The following CDKN2A variants were observed in gnomAD, a reference collection of about 807,000 sequenced individuals.
CDKN2A encodes the protein cyclin-dependent kinase inhibitor 2A.
Under a neutral mutation model 11.1 loss-of-function variants are expected in CDKN2A, and 3 were observed. That is an observed-to-expected ratio of 0.27 (90% CI 0.12 to 0.70). The LOEUF (loss-of-function observed/expected upper bound fraction) is 0.70, where lower values mean the gene tolerates loss of function less well. Among genes scored for constraint, CDKN2A ranks in the 30% least tolerant of loss-of-function variants. The probability of loss-of-function intolerance (pLI) is 0.77; values close to 1 mark genes in which losing one functional copy is unlikely to be tolerated. For missense variants in CDKN2A, 265 were observed against 233.6 expected (o/e 1.13, Z -0.88); for synonymous variants, 122 against 108.1 (o/e 1.13, Z -0.80).
At position 21,991,427 on chromosome 9, in the gene CDKN2A, C is replaced by G. The variant is rs1820426891; in HGVS notation, c.-4+2455G>C. Among the ~76,000 whole-genome samples, 1 of 151,988 alleles carries G rather than the reference C, an allele frequency of 6.6e-6. No homozygotes were observed. The highest frequency in any genetic ancestry group is 1.5e-5 in the Non-Finnish European group (1 of 68,014). ...TTGAACACCCCTGGCCTACAGTGTT[C>G]TACTATGAAGTTTCAGTTTTAGTTC... On this transcript the variant is annotated intron_variant, in intron 2 of 3. Transcript: ENST00000494262. The surrounding 1 kb of genome is among the most constrained non-coding windows in gnomAD (Gnocchi z 5.2).
chr9:21,969,367 A>ACT (rs1819578246), intron 2 of CDKN2A, among the ~76,000 whole-genome samples: 1 of 152,276 alleles, frequency 6.6e-6, no homozygotes, highest in African/African-American at 2.4e-5. Context: ...CAGGTTGGGC[A>ACT]ACAGATCGAC....
chr9:21,977,180 G>T (rs895169881), upstream of CDKN2A, among the ~76,000 whole-genome samples: 1 of 152,092 alleles, frequency 6.6e-6, no homozygotes, highest in Admixed American at 6.5e-5. Context: ...TTTCCTCGGG[G>T]TACCTCTCAA....
intron 1 of CDKN2A, among the ~76,000 whole-genome samples, chr9:21,972,385 C>A (rs910508984): frequency 1.3e-5 from 2 of 151,984 alleles, no homozygotes; most frequent in East Asian, 1.9e-4. Flanking sequence ...CCAACATAAC[C>A]CCAAGTGTTT....
rs913270578 is a variant in CDKN2A, at chr9:21,968,839, G to C, written c.458-597C>G. On this transcript the variant is annotated intron_variant, in intron 2 of 2. Coordinates refer to ENST00000304494, the MANE Select transcript of CDKN2A (RefSeq NM_000077.5). This position sits in a 1 kb window ranked among gnomAD's most constrained non-coding sequence, Gnocchi z 4.7. ...CTGCCTTCCTCTCTAATCTCGTTGC[G>C]TATGGGCTCCAGCTCGCCGTTCGGT... The C allele has an allele frequency of 6.8e-6, 10 of 1,472,612 alleles. No homozygotes were observed. The highest frequency in any genetic ancestry group is 1.7e-4 in the Middle Eastern group (1 of 5,894). The allele number at this position is 1,472,612 out of a possible 1,614,324, so 91.2% of individuals were successfully genotyped here.
upstream of CDKN2A, among the ~76,000 whole-genome samples, chr9:21,979,756 A>G (rs1348578585): frequency 6.6e-6 from 1 of 152,222 alleles, no homozygotes; most frequent in African/African-American, 2.4e-5. Flanking sequence ...ACTCAGACAG[A>G]GAAGCCTTTT....
chr9:21,994,009 G>T, exon 2 of CDKN2A: 3 of 1,015,928 alleles, frequency 3.0e-6, no homozygotes, highest in Non-Finnish European at 4.5e-6. Context: ...AACCCGAATG[G>T]GGAAGCCTCC....
At chr9:21,972,249 C>T (rs1378203285) in intron 1 of CDKN2A, among the ~76,000 whole-genome samples, 1 of 152,114 alleles carries the variant, frequency 6.6e-6, no homozygotes, top group Non-Finnish European at 1.5e-5. Context: ...TGCCCCCCCA[C>T]CCCCAATGTC....
chr9:21,983,471 C>T (rs1425135832), intron 2 of CDKN2A, among the ~76,000 whole-genome samples: 3 of 151,984 alleles, frequency 2.0e-5, no homozygotes, highest in African/African-American at 4.8e-5. Context: ...GTAACACATC[C>T]CACTGGAAAA....
rs1399731121 is a variant in CDKN2A at position 21,969,931 on chromosome 9, T to C, written c.457+971A>G. The C allele has an allele frequency of 2.5e-5, 10 of 396,580 alleles. No homozygotes were observed. The Admixed American group carries it at 3.5e-4, about 14-fold the overall frequency. The allele number at this position is 396,580 out of a possible 1,614,324, so 24.6% of individuals were successfully genotyped here. A position where few individuals can be genotyped will look rare whatever the true frequency, so the allele number is the denominator to read the frequency against. ...GGCTTAGAGCTAACTCTTCACCCTG[T>C]CCTCCCCAGCTCCCCTATGGCCCAA... On this transcript the variant is annotated intron_variant, in intron 2 of 2. Coordinates refer to ENST00000304494, the MANE Select transcript of CDKN2A (RefSeq NM_000077.5).
At chr9:21,976,721 GA>G (rs1820043391), upstream of CDKN2A, among the ~76,000 whole-genome samples, 1 of 151,614 alleles carries the variant, frequency 6.6e-6, no homozygotes, top group Admixed American at 6.6e-5. Flanking sequence ...TTGGTCTCAA[GA>G]AAAAAAGAAA....
At chr9:21,975,141 C>G, upstream of CDKN2A, 1 of 1,215,050 alleles carries the variant, frequency 8.2e-7, no homozygotes, top group South Asian at 2.9e-5. Context: ...TCGCCAGAGC[C>G]AGCGTTGGCA....
intron 2 of CDKN2A, among the ~76,000 whole-genome samples, chr9:21,987,729 C>T (rs1449707546): frequency 1.3e-5 from 2 of 152,256 alleles, no homozygotes; most frequent in Admixed American, 6.5e-5. Context: ...CTCAGACTCT[C>T]CTCCCTGGGA....
chr9:21,989,950 G>A (rs1442411750), intron 2 of CDKN2A: 2 of 152,346 alleles, frequency 1.3e-5, no homozygotes, highest in Non-Finnish European at 2.9e-5. Context: ...GGGATCCGCA[G>A]CGTCTCTAGG....
At chr9:21,978,973 C>T (rs928229979), upstream of CDKN2A, among the ~76,000 whole-genome samples, 1 of 152,102 alleles carries the variant, frequency 6.6e-6, no homozygotes, top group Non-Finnish European at 1.5e-5. Flanking sequence ...TTAAATGAAG[C>T]ATGTAACGCT....
Position 21,968,029 on chromosome 9 carries a change from A to C in CDKN2A, c.*200T>G. ...TACATTTTTATAAGAATATATAAAAAATGATATAAATGGACATTTACGGTA... is the reference window on the plus strand; with the variant it reads ...TACATTTTTATAAGAATATATAAAACATGATATAAATGGACATTTACGGTA... On this transcript the variant is annotated 3_prime_UTR_variant, in exon 3 of 3. Coordinates refer to ENST00000304494, the MANE Select transcript of CDKN2A (RefSeq NM_000077.5). The surrounding 1 kb of genome is among the most constrained non-coding windows in gnomAD (Gnocchi z 4.7). 3.4e-6 allele frequency: 2 copies of C among 589,208 alleles called. No homozygotes were observed. Among genetic ancestry groups the C allele is most frequent in the African/African-American group, 1.9e-5 (1 of 53,828 alleles). The allele number at this position is 589,208 out of a possible 1,614,324, so 36.5% of individuals were successfully genotyped here.
In CDKN2A at chr9:21,967,968, A is replaced by T; in HGVS notation, c.*261T>A. ...TGAGTGCTCACTCCAGAAAACTCCA[A>T]CACAGTGAAAAGGCAGAAGCGGTGT... is the stretch of plus-strand genomic sequence containing the variant. On this transcript the variant is annotated 3_prime_UTR_variant, in exon 3 of 3. Transcript: ENST00000304494. The T allele has an allele frequency of 2.0e-6, 1 of 509,918 alleles. No individual in the cohort carries two copies. The highest frequency in any genetic ancestry group is 3.5e-6 in the Non-Finnish European group (1 of 286,168). 31.6% of individuals were successfully genotyped at this position (509,918 alleles called of 1,614,324 possible).
chr9:21,972,801 T>G (rs1819829511), intron 1 of CDKN2A, among the ~76,000 whole-genome samples: 1 of 152,212 alleles, frequency 6.6e-6, no homozygotes, highest in South Asian at 2.1e-4. Flanking sequence ...AACCTTAAAA[T>G]TTGAGTGCTG....
rs1486726311 is a variant in CDKN2A at position 21,968,388 on chromosome 9, C to T, written c.458-146G>A. The T allele has an allele frequency of 6.6e-7, 1 of 1,513,920 alleles. No homozygotes were observed. Among genetic ancestry groups the T allele is most frequent in the Non-Finnish European group, 8.9e-7 (1 of 1,119,740 alleles). The allele number at this position is 1,513,920 out of a possible 1,614,324, so 93.8% of individuals were successfully genotyped here. A position where few individuals can be genotyped will look rare whatever the true frequency, so the allele number is the denominator to read the frequency against. The stretch of plus-strand genomic sequence containing the variant: ...AATGGCTTCACGTGCATGTACCCGC[C>T]GCCACCGCTCTCCCACACCTCCCTG... On this transcript the variant is annotated intron_variant, in intron 2 of 2. Transcript: ENST00000304494. This position sits in a 1 kb window ranked among gnomAD's most constrained non-coding sequence, Gnocchi z 4.7.
chr9:21,978,588 AT>A (rs1475917317), upstream of CDKN2A, among the ~76,000 whole-genome samples: 1 of 152,228 alleles, frequency 6.6e-6, no homozygotes. Flanking sequence ...TGTTATTATT[AT>A]TCTCACACTT....
Sources: allele counts gnomAD v4.1 joint callset (sites outside exome capture counted in the v4.1 genomes callset), GRCh38; gene constraint gnomAD v4.1.1; non-coding constraint Gnocchi (gnomAD v3.1); transcripts MANE v1.5; gene names NCBI Gene and HGNC (gene_info 2026-07-23, HGNC 2026-07-21).